PALM2AKAP2: variants seen among roughly 807,000 people sequenced by gnomAD.
PALM2AKAP2 encodes the protein PALM2-AKAP2 fusion protein.
PALM2AKAP2 carries 37 observed loss-of-function variants against 71.5 expected under a neutral mutation model. That is an observed-to-expected ratio of 0.52 (90% CI 0.40 to 0.68). The LOEUF (loss-of-function observed/expected upper bound fraction) is 0.68. Among genes scored for constraint, PALM2AKAP2 ranks in the 30% least tolerant of loss-of-function variants. The probability of loss-of-function intolerance (pLI) is 0.00; values close to 1 mark genes in which losing one functional copy is unlikely to be tolerated. For synonymous variants in PALM2AKAP2, 468 were observed against 478.8 expected, an observed-to-expected ratio of 0.98 and a Z score of 0.29; for missense variants, 1,224 against 1,191.8, an observed-to-expected ratio of 1.03 and a Z score of -0.40.
intron 1 of PALM2AKAP2, among the ~76,000 whole-genome samples, chr9:109,699,785 T>A (rs952783270): frequency 1.9e-3 from 288 of 152,002 alleles, no homozygotes; most frequent in African/African-American, 4.7e-3. Flanking sequence ...TTTATTTTTT[T>A]TTTTTTTGAG....
At chr9:109,769,656 G>A (rs1829225199) in intron 1 of PALM2AKAP2, among the ~76,000 whole-genome samples, 1 of 152,188 alleles carries the variant, frequency 6.6e-6, no homozygotes, top group Admixed American at 6.5e-5. Context: ...TTTTAATATT[G>A]GAGGATATTT....
chr9:109,843,454 T>C (rs875926), intron 1 of PALM2AKAP2, among the ~76,000 whole-genome samples: 76,884 of 151,922 alleles, frequency 0.51, 20,254 homozygotes, highest in East Asian at 0.7. Flanking sequence ...TATTTTGATG[T>C]ATAATTCTAT....
chr9:109,807,670 A>G (rs1378168642), intron 1 of PALM2AKAP2, among the ~76,000 whole-genome samples: 1 of 152,104 alleles, frequency 6.6e-6, no homozygotes, highest in Non-Finnish European at 1.5e-5. Context: ...ACTAGCAATG[A>G]CATGGAGGGA....
chr9:110,100,387 T>C (rs1042491716), intron 1 of PALM2AKAP2, among the ~76,000 whole-genome samples: 7 of 152,034 alleles, frequency 4.6e-5, no homozygotes, highest in Non-Finnish European at 8.8e-5. Context: ...CTTGGTCACA[T>C]AGGGGAAGCA....
intron 1 of PALM2AKAP2, among the ~76,000 whole-genome samples, chr9:109,701,742 A>G (rs1828063335): frequency 6.6e-6 from 1 of 152,236 alleles, no homozygotes; most frequent in Non-Finnish European, 1.5e-5. Context: ...AAATTGACAA[A>G]TGGGATCTAA....
At chr9:109,864,129 C>T (rs1829383810) in intron 1 of PALM2AKAP2, among the ~76,000 whole-genome samples, 1 of 152,148 alleles carries the variant, frequency 6.6e-6, no homozygotes, top group South Asian at 2.1e-4. Flanking sequence ...GCTGTGGATG[C>T]ACAGTGGGTC....
intron 5 of PALM2AKAP2, among the ~76,000 whole-genome samples, chr9:109,930,742 G>A (rs1831080081): frequency 1.3e-5 from 2 of 152,216 alleles, no homozygotes; most frequent in African/African-American, 2.4e-5. Flanking sequence ...TGGGGATGCA[G>A]AGGAGGGGTC....
intron 3 of PALM2AKAP2, among the ~76,000 whole-genome samples, chr9:109,902,944 A>G (rs1323070081): frequency 6.6e-6 from 1 of 152,078 alleles, no homozygotes; most frequent in African/African-American, 2.4e-5. Context: ...ACCCAGGTCT[A>G]CTTTATGTAG....
intron 1 of PALM2AKAP2, among the ~76,000 whole-genome samples, chr9:109,842,916 G>T (rs937782111): frequency 1.3e-5 from 2 of 152,016 alleles, no homozygotes; most frequent in African/African-American, 2.4e-5. Flanking sequence ...CAATGAGGGC[G>T]GATCACCTGA....
intron 1 of PALM2AKAP2, among the ~76,000 whole-genome samples, chr9:109,823,321 A>G (rs1014092263): frequency 2.6e-5 from 4 of 152,158 alleles, no homozygotes; most frequent in African/African-American, 9.7e-5. Context: ...TTCTGACTTG[A>G]GCTGCAGGAT....
At chr9:109,821,433 C>T (rs967533167) in intron 1 of PALM2AKAP2, among the ~76,000 whole-genome samples, 2 of 152,200 alleles carry the variant, frequency 1.3e-5, no homozygotes, top group South Asian at 4.1e-4. Context: ...TGTCCACCCT[C>T]CACTATAGAG....
At chr9:110,102,417 T>A (rs757150872) in intron 1 of PALM2AKAP2, among the ~76,000 whole-genome samples, 8 of 152,216 alleles carry the variant, frequency 5.3e-5, no homozygotes, top group Non-Finnish European at 1.2e-4. Context: ...ATATTTGTCC[T>A]CCAGTGTTGT....
chr9:109,694,716 A>G lies in PALM2AKAP2; in HGVS notation c.5+53850A>G, dbSNP rs139781003. 1.2e-3 allele frequency among the ~76,000 whole-genome samples: 178 copies of G among 152,232 alleles called. 1 individual carries two copies. Among genetic ancestry groups the G allele is most frequent in the African/African-American group, 4.0e-3 (167 of 41,582 alleles). ...GAAAAAGAAATCTGCCAGAGTAGAAAGGAAGATTCTGAAAAAGAAGACCAA... is the reference window on the plus strand; with the variant it reads ...GAAAAAGAAATCTGCCAGAGTAGAAGGGAAGATTCTGAAAAAGAAGACCAA... On this transcript the variant is annotated intron_variant, in intron 1 of 6. Transcript: ENST00000374531.
At chr9:109,776,507 G>A (rs1829350559), upstream of PALM2AKAP2, among the ~76,000 whole-genome samples, 1 of 152,210 alleles carries the variant, frequency 6.6e-6, no homozygotes, top group Non-Finnish European at 1.5e-5. Flanking sequence ...ATAGCCTGAA[G>A]GAATTCTCTA....
intron 6 of PALM2AKAP2, among the ~76,000 whole-genome samples, chr9:109,952,241 T>C (rs1831658550): frequency 6.6e-6 from 1 of 152,240 alleles, no homozygotes. Flanking sequence ...CCTATGGGCT[T>C]ATAATTTGCC....
intron 7 of PALM2AKAP2, among the ~76,000 whole-genome samples, chr9:110,041,776 C>T (rs1350994119): frequency 6.6e-6 from 1 of 152,200 alleles, no homozygotes; most frequent in Non-Finnish European, 1.5e-5. Flanking sequence ...GTCCTTTCTT[C>T]AAGTAAGGGC....
chr9:109,657,091 G>A (rs1490865110), intron 1 of PALM2AKAP2, among the ~76,000 whole-genome samples: 2 of 152,186 alleles, frequency 1.3e-5, no homozygotes, highest in African/African-American at 4.8e-5. Context: ...CTCTGTAAAA[G>A]AGATGTCAGT....
At chr9:109,985,896 C>G (rs12685697) in intron 6 of PALM2AKAP2, among the ~76,000 whole-genome samples, 4 of 151,962 alleles carry the variant, frequency 2.6e-5, no homozygotes, top group South Asian at 2.1e-4. Flanking sequence ...ATGATCCCCC[C>G]ACCTTGGCCT....
intron 2 of PALM2AKAP2, among the ~76,000 whole-genome samples, chr9:110,150,052 A>G (rs1226853075): frequency 1.3e-5 from 2 of 152,160 alleles, no homozygotes; most frequent in East Asian, 1.9e-4. Flanking sequence ...CCTTTGGGAT[A>G]TAATTAGGTT....
Sources: allele counts gnomAD v4.1 joint callset (sites outside exome capture counted in the v4.1 genomes callset), GRCh38; gene constraint gnomAD v4.1.1; transcripts MANE v1.5; gene names NCBI Gene and HGNC (gene_info 2026-07-23, HGNC 2026-07-21).